The following LYPD6B variants were observed in gnomAD, a reference collection of about 807,000 sequenced individuals.
LYPD6B encodes ly6/PLAUR domain-containing protein 6B.
A neutral mutation model predicts 22.8 loss-of-function variants in LYPD6B; 17 were observed. That is an observed-to-expected ratio of 0.75 (90% CI 0.51 to 1.12). LYPD6B has a LOEUF of 1.12. LYPD6B is among the 50% of genes most tolerant of loss of function. LYPD6B has a pLI of 0.00. For missense variants in LYPD6B, 221 were observed against 258.3 expected (o/e 0.86, Z 0.99); for synonymous variants, 106 against 91.6 (o/e 1.16, Z -0.90).
At chr2:149,080,270 G>A (rs991891504) in intron 1 of LYPD6B, among the ~76,000 whole-genome samples, 11 of 152,144 alleles carry the variant, frequency 7.2e-5, no homozygotes, top group African/African-American at 2.7e-4. Flanking sequence ...CTGTGTGTGT[G>A]TCTGTGTCTG....
intron 1 of LYPD6B, among the ~76,000 whole-genome samples, chr2:149,078,594 G>A (rs577335115): frequency 6.6e-5 from 10 of 152,232 alleles, no homozygotes; most frequent in South Asian, 2.1e-4. Flanking sequence ...GGTCTGTCTC[G>A]TTTTAAAATT....
chr2:149,185,414 G>A (rs1000566572), intron 3 of LYPD6B, among the ~76,000 whole-genome samples: 6 of 152,306 alleles, frequency 3.9e-5, no homozygotes, highest in Admixed American at 2.6e-4. Flanking sequence ...GACTCCCTGA[G>A]CTGGCTTATA....
intron 2 of LYPD6B, among the ~76,000 whole-genome samples, chr2:149,148,619 G>A (rs1339182302): frequency 1.3e-5 from 2 of 152,146 alleles, no homozygotes; most frequent in African/African-American, 2.4e-5. Context: ...GTGTTATCAC[G>A]TAAGTCAGAA....
intron 3 of LYPD6B, among the ~76,000 whole-genome samples, chr2:149,181,954 G>A (rs1357659977): frequency 1.3e-5 from 2 of 152,154 alleles, no homozygotes; most frequent in Non-Finnish European, 2.9e-5. Flanking sequence ...CCAGGAGAGA[G>A]CACCATGGCT....
chr2:149,123,556 GA>G (rs1295898355), intron 1 of LYPD6B, among the ~76,000 whole-genome samples: 2 of 152,104 alleles, frequency 1.3e-5, no homozygotes, highest in Non-Finnish European at 2.9e-5. Flanking sequence ...GGAAAGAAAA[GA>G]GAAGGGAGGG....
intron 1 of LYPD6B, among the ~76,000 whole-genome samples, chr2:149,092,184 T>A (rs1181642152): frequency 2.0e-5 from 3 of 151,564 alleles, no homozygotes; most frequent in African/African-American, 2.4e-5. Flanking sequence ...GTTGTGATTG[T>A]GGTGATGGGG....
chr2:149,197,460 C>T (rs548043609), intron 3 of LYPD6B, among the ~76,000 whole-genome samples: 9 of 152,254 alleles, frequency 5.9e-5, no homozygotes, highest in African/African-American at 1.4e-4. Context: ...TGCAGTGAGC[C>T]GAGATCGCAC....
At chr2:149,105,933 A>G (rs1397998808) in intron 1 of LYPD6B, among the ~76,000 whole-genome samples, 2 of 152,114 alleles carry the variant, frequency 1.3e-5, no homozygotes, top group Non-Finnish European at 2.9e-5. Context: ...TTTTTCATAG[A>G]TACTGTACTC....
At chr2:149,187,476 A>G (rs1450299737) in intron 3 of LYPD6B, 2 of 1,519,752 alleles carry the variant, frequency 1.3e-6, no homozygotes, top group Non-Finnish European at 8.8e-7. Flanking sequence ...AAACCAAACA[A>G]AGGAAATGCA....
chr2:149,137,187 AG>A (rs1389301514), intron 2 of LYPD6B, among the ~76,000 whole-genome samples: 2 of 152,182 alleles, frequency 1.3e-5, no homozygotes, highest in African/African-American at 4.8e-5. Context: ...TGAGTCAAAG[AG>A]GGGGAACTGG....
chr2:149,154,343 A>T (rs550914655), intron 2 of LYPD6B, among the ~76,000 whole-genome samples: 81 of 152,192 alleles, frequency 5.3e-4, no homozygotes, highest in East Asian at 3.1e-3. Flanking sequence ...GATTGCTAGA[A>T]CTACCAGAAA....
chr2:149,187,836 T>G (rs1259908054), intron 3 of LYPD6B, among the ~76,000 whole-genome samples: 1 of 152,270 alleles, frequency 6.6e-6, no homozygotes, highest in Non-Finnish European at 1.5e-5. Context: ...GCATGCAGCC[T>G]GTGGGCCATG....
chr2:149,097,629 G>A (rs1685967317), intron 1 of LYPD6B, among the ~76,000 whole-genome samples: 1 of 152,112 alleles, frequency 6.6e-6, no homozygotes, highest in African/African-American at 2.4e-5. Context: ...ACGTTCCTCT[G>A]GTCTAGGATC....
At chr2:149,090,154 A>T (rs1685584758) in intron 1 of LYPD6B, among the ~76,000 whole-genome samples, 1 of 152,190 alleles carries the variant, frequency 6.6e-6, no homozygotes, top group African/African-American at 2.4e-5. Flanking sequence ...TTGTGTCATC[A>T]CGAGATGTTG....
At chr2:149,090,480 A>G (rs1202348126) in intron 1 of LYPD6B, among the ~76,000 whole-genome samples, 2 of 152,186 alleles carry the variant, frequency 1.3e-5, no homozygotes, top group African/African-American at 4.8e-5. Flanking sequence ...GAGAGAGGTC[A>G]GAGGTATTCA....
At chr2:149,151,335 G>T (rs1404002978) in intron 2 of LYPD6B, among the ~76,000 whole-genome samples, 1 of 152,112 alleles carries the variant, frequency 6.6e-6, no homozygotes, top group Non-Finnish European at 1.5e-5. Context: ...TGTTATAGGT[G>T]CAGGGTGCTT....
intron 3 of LYPD6B, among the ~76,000 whole-genome samples, chr2:149,191,191 C>T (rs1692466466): frequency 6.6e-6 from 1 of 152,108 alleles, no homozygotes. Flanking sequence ...TTATTTTCTT[C>T]ATAAGTGCAT....
At chr2:149,149,142 T>C (rs1689209993) in intron 2 of LYPD6B, among the ~76,000 whole-genome samples, 1 of 152,122 alleles carries the variant, frequency 6.6e-6, no homozygotes, top group Non-Finnish European at 1.5e-5. Context: ...ACCAGAGTTC[T>C]ATTAGGTTGA....
At chr2:149,106,417 A>G (rs1437554037) in intron 1 of LYPD6B, among the ~76,000 whole-genome samples, 2 of 152,206 alleles carry the variant, frequency 1.3e-5, no homozygotes, top group East Asian at 3.9e-4. Context: ...TGTTTTCTTC[A>G]TGGGAAGATT....
Sources: allele counts gnomAD v4.1 joint callset (sites outside exome capture counted in the v4.1 genomes callset), GRCh38; gene constraint gnomAD v4.1.1; transcripts MANE v1.5; gene names NCBI Gene and HGNC (gene_info 2026-07-23, HGNC 2026-07-21).